The following NINJ2 variants were observed in gnomAD, a reference collection of about 807,000 sequenced individuals.
NINJ2 encodes the protein ninjurin 2.
A neutral mutation model predicts 11.7 loss-of-function variants in NINJ2; 12 were observed. That is an observed-to-expected ratio of 1.02 (90% CI 0.66 to 1.66). The LOEUF is 1.66. Among genes scored for constraint, NINJ2 ranks in the 40% most tolerant of loss-of-function variants. The probability of loss-of-function intolerance (pLI) is 0.00; values close to 1 mark genes in which losing one functional copy is unlikely to be tolerated. For missense variants in NINJ2, 187 were observed against 181.8 expected (o/e 1.03, Z -0.16); for synonymous variants, 93 against 76.8 (o/e 1.21, Z -1.10).
At chr12:577,687 CA>C (rs1411613044) in intron 1 of NINJ2, among the ~76,000 whole-genome samples, 1 of 151,652 alleles carries the variant, frequency 6.6e-6, no homozygotes, top group East Asian at 1.9e-4. Flanking sequence ...GAAGTAGCAG[CA>C]GCAACATCAC....
chr12:643,960 T>C, intron 1 of NINJ2: 1 of 154,790 alleles, frequency 6.5e-6, no homozygotes. Context: ...CCTCTGCAGA[T>C]GGAGTGAAGG....
At chr12:634,391 C>G (rs1170305742) in intron 1 of NINJ2, among the ~76,000 whole-genome samples, 1 of 148,830 alleles carries the variant, frequency 6.7e-6, no homozygotes, top group Admixed American at 6.9e-5. Context: ...CCCCTAGTAG[C>G]TGGGATTACT....
At chr12:613,259 C>A (rs1171724084) in intron 1 of NINJ2, among the ~76,000 whole-genome samples, 2 of 152,212 alleles carry the variant, frequency 1.3e-5, no homozygotes, top group Non-Finnish European at 2.9e-5. Context: ...AAAATGTATC[C>A]TTTTCTCCTT....
At chr12:605,183 G>C (rs558940174) in intron 1 of NINJ2, among the ~76,000 whole-genome samples, 2 of 152,184 alleles carry the variant, frequency 1.3e-5, no homozygotes, top group Non-Finnish European at 2.9e-5. Context: ...TCAAAACTCC[G>C]CCTTCCCCAC....
intron 1 of NINJ2, among the ~76,000 whole-genome samples, chr12:652,778 T>C (rs11522856): frequency 0.97 from 147,454 of 151,460 alleles, 71,899 homozygotes; most frequent in East Asian, 1. Context: ...TGAAACCCCA[T>C]GTCTACTAAA....
intron 1 of NINJ2, among the ~76,000 whole-genome samples, chr12:661,911 C>T (rs538849235): frequency 2.0e-5 from 3 of 152,310 alleles, no homozygotes; most frequent in African/African-American, 7.2e-5. Context: ...CTCATGCACT[C>T]GGGCTGCAGC....
At chr12:630,669 T>C (rs2120427149) in intron 1 of NINJ2, among the ~76,000 whole-genome samples, 1 of 152,160 alleles carries the variant, frequency 6.6e-6, no homozygotes, top group South Asian at 2.1e-4. Context: ...GAGCCACCGC[T>C]CCCCGCCGCT....
chr12:654,521 CAA>C (rs72488352), intron 1 of NINJ2, among the ~76,000 whole-genome samples: 94 of 98,562 alleles, frequency 9.5e-4, no homozygotes, highest in African/African-American at 9.8e-4. Context: ...AACTCCGTCT[CAA>C]AAAAAAAAAA....
chr12:601,543 C>T (rs1325691740), intron 1 of NINJ2, among the ~76,000 whole-genome samples: 4 of 142,198 alleles, frequency 2.8e-5, no homozygotes, highest in East Asian at 2.2e-4. Flanking sequence ...AGCAAGACTC[C>T]GTCTCAAAAA....
chr12:616,916 G>T (rs1948097868), intron 1 of NINJ2, among the ~76,000 whole-genome samples: 1 of 152,134 alleles, frequency 6.6e-6, no homozygotes. Context: ...TTTAAAAAAA[G>T]TGTGCTCAGC....
intron 1 of NINJ2, among the ~76,000 whole-genome samples, chr12:577,416 C>CATAT (rs536829310): frequency 0.027 from 3,270 of 121,210 alleles, 211 homozygotes; most frequent in South Asian, 0.055. Context: ...ACACTAGTCT[C>CATAT]ATATATATAT....
chr12:652,665 C>A (rs1302598583), intron 1 of NINJ2, among the ~76,000 whole-genome samples: 1 of 151,744 alleles, frequency 6.6e-6, no homozygotes, highest in East Asian at 1.9e-4. Context: ...TGAAAAAATT[C>A]AGCCAGGCGT....
Position 574,700 on chromosome 12 carries a change from A to T in NINJ2, c.34-8522T>A, listed in dbSNP as rs142445354. ...GCCAGTCTCCAGAACCATGAGCCAA[A>T]TACACTTCTATTGTTTATAAATCAC... On this transcript the variant is annotated intron_variant, in intron 1 of 3. Coordinates refer to ENST00000305108, the MANE Select transcript of NINJ2 (RefSeq NM_016533.6). Among the ~76,000 whole-genome samples, 171 of 152,364 alleles carry T rather than the reference A, an allele frequency of 1.1e-3. 1 individual carries two copies. Among genetic ancestry groups the T allele is most frequent in the African/African-American group, 3.8e-3 (158 of 41,592 alleles).
chr12:629,916 T>TATATATATATAC lies in NINJ2; in HGVS notation c.33+33411_33+33412insGTATATATATAT, dbSNP rs147102413. Among the ~76,000 whole-genome samples, 215 of 72,956 alleles carry TATATATATATAC rather than the reference T, an allele frequency of 2.9e-3. 3 individuals carry two copies. The highest frequency in any genetic ancestry group is 4.5e-3 in the Non-Finnish European group (151 of 33,480). The allele number at this position is 72,956 out of a possible 152,430, so 47.9% of individuals were successfully genotyped here. Reference sequence around the variant, plus strand: ...AAAAAAATATATATATATATATATATATATATGAAGTTTCTTTGCGATTTT... The same window carrying TATATATATATAC: ...AAAAAAATATATATATATATATATATATATATATATACATATATGAAGTTTCTTTGCGATTTT... On this transcript the variant is annotated intron_variant, in intron 1 of 3. Transcript: ENST00000305108.
Position 580,706 on chromosome 12 carries a change from G to T in NINJ2, c.34-14528C>A, listed in dbSNP as rs939542879. On this transcript the variant is annotated intron_variant, in intron 1 of 3. Coordinates refer to ENST00000305108, the MANE Select transcript of NINJ2 (RefSeq NM_016533.6). The surrounding 1 kb of genome is among the most constrained non-coding windows in gnomAD (Gnocchi z 4.7). The stretch of plus-strand genomic sequence containing the variant: ...TGAACCTCTTCTGTGGCACCTTCTG[G>T]GGGTGCCTGCCAATGGCTATAGTAT... Among the ~76,000 whole-genome samples, 1 of 152,174 alleles carries T rather than the reference G, an allele frequency of 6.6e-6. No individual in the cohort carries two copies. Among genetic ancestry groups the T allele is most frequent in the Non-Finnish European group, 1.5e-5 (1 of 68,032 alleles).
chr12:615,763 G>A (rs576296618), intron 1 of NINJ2, among the ~76,000 whole-genome samples: 13 of 152,290 alleles, frequency 8.5e-5, no homozygotes, highest in Non-Finnish European at 1.2e-4. Context: ...GGCTATGTGT[G>A]GGACTGTCAT....
Position 574,107 on chromosome 12 carries a change from G to A in NINJ2, c.34-7929C>T, listed in dbSNP as rs773991017. Among the ~76,000 whole-genome samples, 51 of 152,010 alleles carry A rather than the reference G, an allele frequency of 3.4e-4. 1 individual carries two copies. The highest frequency in any genetic ancestry group is 6.6e-4 in the Non-Finnish European group (45 of 68,002). The stretch of plus-strand genomic sequence containing the variant: ...GTGGTGGTGCATGCTTATAATCCCA[G>A]CAACTTGGGAAGCTGAGGCAGGAGA... On this transcript the variant is annotated intron_variant, in intron 1 of 3. Coordinates refer to ENST00000305108, the MANE Select transcript of NINJ2 (RefSeq NM_016533.6).
chr12:593,004 A>G (rs1947736201), intron 1 of NINJ2, among the ~76,000 whole-genome samples: 1 of 152,168 alleles, frequency 6.6e-6, no homozygotes, highest in Non-Finnish European at 1.5e-5. Flanking sequence ...AGTAAAATAA[A>G]TCCTTTCCCT....
intron 1 of NINJ2, chr12:643,166 C>T: frequency 6.5e-6 from 1 of 154,940 alleles, no homozygotes; most frequent in Middle Eastern, 5.4e-4. Context: ...CCTGCCGCTG[C>T]CCAAGCCTCC....
Sources: gnomAD v4.1 joint callset for allele counts (sites outside exome capture counted in the v4.1 genomes callset) on GRCh38, gnomAD v4.1.1 for gene constraint, Gnocchi (gnomAD v3.1) non-coding constraint, MANE v1.5 for transcripts, NCBI Gene and HGNC (gene_info 2026-07-23, HGNC 2026-07-21) for gene names.